The following EYS variants were observed in gnomAD, a reference collection of about 807,000 sequenced individuals.
The protein encoded by EYS is protein eyes shut homolog.
In EYS, 250 loss-of-function variants were observed where a neutral mutation model predicts 282.1. That is an observed-to-expected ratio of 0.89 (90% CI 0.80 to 0.98). The LOEUF (loss-of-function observed/expected upper bound fraction) is 0.98, where lower values mean the gene tolerates loss of function less well. Ranked by LOEUF, EYS falls within the 50% of genes least tolerant of loss-of-function variation. The probability of loss-of-function intolerance (pLI) is 0.00; values close to 1 mark genes in which losing one functional copy is unlikely to be tolerated. For missense variants in EYS, 4,016 were observed against 3,709.0 expected (o/e 1.08, Z -2.15); for synonymous variants, 1,355 against 1,282.9 (o/e 1.06, Z -1.20).
intron 22 of EYS, among the ~76,000 whole-genome samples, chr6:64,726,020 G>A (rs947383906): frequency 6.6e-6 from 1 of 152,018 alleles, no homozygotes; most frequent in Admixed American, 6.6e-5. Context: ...AATGTTACAG[G>A]TTCAAAAATA....
chr6:63,779,277 T>G (rs1331645452), intron 39 of EYS: 2 of 151,664 alleles, frequency 1.3e-5, no homozygotes, highest in Non-Finnish European at 2.9e-5. Context: ...GCTAACATGG[T>G]GAAACCCCAT....
intron 24 of EYS, among the ~76,000 whole-genome samples, chr6:64,609,188 T>G (rs1397628862): frequency 6.6e-6 from 1 of 152,170 alleles, no homozygotes; most frequent in African/African-American, 2.4e-5. Context: ...CTGCTCACTT[T>G]TTCTGTGTAC....
intron 36 of EYS, chr6:63,822,766 T>C (rs1771358154): frequency 6.6e-6 from 1 of 152,252 alleles, no homozygotes; most frequent in East Asian, 1.9e-4. Flanking sequence ...TGCTTGGACC[T>C]TCTCAAGAAT....
At chr6:65,101,855 A>G (rs1043660646) in intron 12 of EYS, among the ~76,000 whole-genome samples, 1 of 151,234 alleles carries the variant, frequency 6.6e-6, no homozygotes, top group East Asian at 1.9e-4. Flanking sequence ...ACAATACTGT[A>G]TGTTACCCTA....
intron 35 of EYS, among the ~76,000 whole-genome samples, chr6:63,963,391 T>C (rs1766169040): frequency 6.6e-6 from 1 of 152,122 alleles, no homozygotes; most frequent in South Asian, 2.1e-4. Context: ...GCATAAATAC[T>C]GTATACAAGG....
Position 64,487,639 on chromosome 6 carries a change from T to C in EYS, c.5645-48287A>G, listed in dbSNP as rs182120308. On this transcript the variant is annotated intron_variant, in intron 26 of 42. Coordinates refer to ENST00000503581, the MANE Select transcript of EYS (RefSeq NM_001142800.2). ...TTTATTTTAAAACTATAAGGATATA[T>C]TAAATGTGGGATACTATCAATAATT... 5.6e-3 allele frequency among the ~76,000 whole-genome samples: 842 copies of C among 151,098 alleles called. 3 individuals are homozygous for C. Among genetic ancestry groups the C allele is most frequent in the Middle Eastern group, 0.042 (12 of 286 alleles).
intron 29 of EYS, among the ~76,000 whole-genome samples, chr6:64,317,039 C>T (rs911154169): frequency 1.3e-5 from 2 of 152,148 alleles, no homozygotes; most frequent in Non-Finnish European, 2.9e-5. Flanking sequence ...GGATCCCCTC[C>T]TTACACCTTA....
intron 36 of EYS, among the ~76,000 whole-genome samples, chr6:63,823,278 C>T (rs1771371295): frequency 6.6e-6 from 1 of 152,154 alleles, no homozygotes; most frequent in Admixed American, 6.5e-5. Context: ...TTGAGAAGCA[C>T]TCACCTTTTT....
intron 2 of EYS, among the ~76,000 whole-genome samples, chr6:65,637,516 C>T (rs930131401): frequency 6.6e-6 from 1 of 152,150 alleles, no homozygotes; most frequent in Admixed American, 6.5e-5. Context: ...GAGGCAGAAG[C>T]CCGTGCTCCC....
rs1227504797 is a variant in EYS at position 64,527,671 on chromosome 6, T to C, written c.5644+62552A>G. ...AAGAAACTTTTGTTTATTATTTTAA[T>C]ATTTCCTACATACAAAAATAACATA... On this transcript the variant is annotated intron_variant, in intron 26 of 42. Transcript: ENST00000503581. 2.0e-5 allele frequency among the ~76,000 whole-genome samples: 3 copies of C among 151,746 alleles called. No individual in the cohort carries two copies. In the East Asian group the frequency reaches 5.8e-4, roughly 29 times the overall value.
intron 31 of EYS, among the ~76,000 whole-genome samples, chr6:64,160,805 A>G (rs1582363059): frequency 6.6e-6 from 1 of 152,318 alleles, no homozygotes; most frequent in Non-Finnish European, 1.5e-5. Flanking sequence ...TGGTTGATGA[A>G]AGAATTCTCA....
chr6:65,513,608 C>T (rs1412597841), intron 2 of EYS, among the ~76,000 whole-genome samples: 3 of 152,192 alleles, frequency 2.0e-5, no homozygotes, highest in African/African-American at 7.2e-5. Context: ...AAGTGGGCTT[C>T]ATCCCTGGGA....
At chr6:65,194,467 T>C (rs750822026) in intron 12 of EYS, among the ~76,000 whole-genome samples, 7 of 152,022 alleles carry the variant, frequency 4.6e-5, no homozygotes, top group Admixed American at 2.6e-4. Context: ...AAATGTGATA[T>C]AATAAATTCC....
intron 29 of EYS, among the ~76,000 whole-genome samples, chr6:64,329,171 G>C (rs1190389511): frequency 6.6e-6 from 1 of 152,108 alleles, no homozygotes; most frequent in African/African-American, 2.4e-5. Context: ...CTGGTGTGGA[G>C]CACTCGGTAG....
chr6:64,770,199 C>T (rs1307867697), intron 22 of EYS, among the ~76,000 whole-genome samples: 2 of 151,808 alleles, frequency 1.3e-5, no homozygotes, highest in African/African-American at 2.4e-5. Flanking sequence ...CCTATTAATA[C>T]TTTCTTTTGA....
intron 35 of EYS, among the ~76,000 whole-genome samples, chr6:63,905,351 A>G (rs1773752034): frequency 7.9e-6 from 1 of 125,874 alleles, no homozygotes; most frequent in African/African-American, 3.1e-5. Context: ...TTTTTTTGAG[A>G]CGGAGTCTCG....
At chr6:64,503,592 T>C (rs2150513534) in intron 26 of EYS, among the ~76,000 whole-genome samples, 1 of 152,328 alleles carries the variant, frequency 6.6e-6, no homozygotes, top group East Asian at 1.9e-4. Context: ...CCCTAACTCT[T>C]GTAATGCAGT....
chr6:64,316,101 A>G (rs565298375), intron 29 of EYS, among the ~76,000 whole-genome samples: 2 of 152,206 alleles, frequency 1.3e-5, no homozygotes, highest in Non-Finnish European at 2.9e-5. Flanking sequence ...ACAAACTTAC[A>G]GCCAATATCA....
chr6:64,553,553 C>CG (rs1041620427), intron 26 of EYS, among the ~76,000 whole-genome samples: 11 of 134,198 alleles, frequency 8.2e-5, no homozygotes, highest in Non-Finnish European at 1.3e-4. Flanking sequence ...TGACCCCCCC[C>CG]CCCCCATAGG....
Sources: allele counts gnomAD v4.1 joint callset (sites outside exome capture counted in the v4.1 genomes callset), GRCh38; gene constraint gnomAD v4.1.1; transcripts MANE v1.5; gene names NCBI Gene and HGNC (gene_info 2026-07-23, HGNC 2026-07-21).